The following MATK variants were observed in gnomAD, a reference collection of about 807,000 sequenced individuals.
MATK encodes megakaryocyte-associated tyrosine kinase.
MATK carries 41 observed loss-of-function variants against 59.8 expected under a neutral mutation model. The ratio of observed to expected loss-of-function variants is 0.69; its 90% CI spans 0.53 to 0.89. The LOEUF (loss-of-function observed/expected upper bound fraction) is 0.89. Ranked by LOEUF, MATK falls within the 40% of genes least tolerant of loss-of-function variation. MATK has a pLI of 0.00. For missense variants in MATK, 593 were observed against 719.6 expected, an observed-to-expected ratio of 0.82 and a Z score of 2.01; for synonymous variants, 308 against 306.1, an observed-to-expected ratio of 1.01 and a Z score of -0.06.
chr19:3,782,573 T>C (rs1476006100), intron 7 of MATK, among the ~76,000 whole-genome samples: 2 of 149,534 alleles, frequency 1.3e-5, no homozygotes, highest in Non-Finnish European at 3.0e-5. Context: ...TGGGAGGGGG[T>C]GGATGTGTGG....
rs747250950 is a variant in MATK at position 3,784,167 on chromosome 19, C to A, written c.319G>T (p.Glu107Ter). 1 of 1,613,322 alleles carries A rather than the reference C, an allele frequency of 6.2e-7. No homozygotes were observed. The highest frequency in any genetic ancestry group is 8.5e-7 in the Non-Finnish European group (1 of 1,179,712). The change falls in exon 5 of 14, where the codon GAG becomes TAG. Residue 107 changes from glutamate to a stop codon, truncating the protein, a stop_gained. Transcript: ENST00000310132. LOFTEE classifies it high-confidence loss of function. Reference sequence around the variant, plus strand: ...GGGTCTGCGGAGAGGGCCTCCCGCTCCCGCAGCGCCCCAGCTGCCAGCAGC... The same window carrying A: ...GGGTCTGCGGAGAGGGCCTCCCGCTACCGCAGCGCCCCAGCTGCCAGCAGC... Reference protein sequence around the residue: ...EGLLAAGALREREALSADPKL... With the variant: ...EGLLAAGALR
chr19:3,778,160 G>A lies in MATK; in HGVS notation c.*23C>T. On this transcript the variant is annotated 3_prime_UTR_variant, in exon 14 of 14. Coordinates refer to ENST00000310132, the MANE Select transcript of MATK (RefSeq NM_139355.3). ...CTCTCCACTCTCTCGGTCCTCTGGG[G>A]CCAAGGGCCCCACCGGGTGGGGTCA... 3 of 1,538,072 alleles carry A rather than the reference G, an allele frequency of 2.0e-6. No homozygotes were observed. The highest frequency in any genetic ancestry group is 2.6e-6 in the Non-Finnish European group (3 of 1,147,068).
upstream of MATK, among the ~76,000 whole-genome samples, chr19:3,788,105 ATATTATATT>A (rs2037506263): frequency 1.5e-5 from 2 of 130,338 alleles, no homozygotes. Context: ...TATTTATATT[ATATTATATT>A]ATATTATATT....
chr19:3,789,594 G>A (rs1343109169), upstream of MATK, among the ~76,000 whole-genome samples: 2 of 152,260 alleles, frequency 1.3e-5, no homozygotes, highest in East Asian at 3.9e-4. Context: ...CTGACTGGGT[G>A]GAGACATAGA....
chr19:3,789,643 C>T (rs1300456553), upstream of MATK, among the ~76,000 whole-genome samples: 1 of 151,752 alleles, frequency 6.6e-6, no homozygotes, highest in Non-Finnish European at 1.5e-5. Flanking sequence ...TAGATTTGAG[C>T]CTGCGGTTTA....
intron 3 of MATK, 29 bp downstream of exon 3, chr19:3,784,796 A>T: frequency 6.5e-7 from 1 of 1,534,130 alleles, no homozygotes; most frequent in Non-Finnish European, 8.8e-7. Context: ...GGACCCGGGG[A>T]GCAGAGGAAG....
intron 1 of MATK, among the ~76,000 whole-genome samples, chr19:3,800,091 G>A (rs567675075): frequency 2.4e-3 from 359 of 149,678 alleles, no homozygotes; most frequent in African/African-American, 8.6e-3. Flanking sequence ...GCAGTGAGCC[G>A]AGATTGTGCC....
chr19:3,786,419 T>TCCCCG, upstream of MATK: 1 of 955,000 alleles, frequency 1.0e-6, no homozygotes, highest in Non-Finnish European at 1.2e-6. The surrounding 1 kb of genome is among the most constrained non-coding windows in gnomAD (Gnocchi z 4.1). Context: ...CGCCGGCCCC[T>TCCCCG]CCCCGCCCCG....
At chr19:3,786,443 C>G (rs1169184508), upstream of MATK, 4 of 967,914 alleles carry the variant, frequency 4.1e-6, no homozygotes, top group East Asian at 4.7e-4. The surrounding 1 kb of genome is among the most constrained non-coding windows in gnomAD (Gnocchi z 4.1). Context: ...CCGCGGCCCC[C>G]GGCGCCTCCC....
At chr19:3,800,256 G>T (rs567023945) in intron 1 of MATK, among the ~76,000 whole-genome samples, 1 of 152,164 alleles carries the variant, frequency 6.6e-6, no homozygotes, top group Non-Finnish European at 1.5e-5. Flanking sequence ...AATCAATGTC[G>T]TTATAATACC....
In MATK at chr19:3,778,953, G is replaced by GA. The variant is rs751638171; in HGVS notation, c.1197+38dup. 2.0e-6 allele frequency: 3 copies of GA among 1,499,580 alleles called. No individual in the cohort carries two copies. The African/African-American group carries it at 4.2e-5, about 21-fold the overall frequency. The allele number at this position is 1,499,580 out of a possible 1,614,324, so 92.9% of individuals were successfully genotyped here. On this transcript the variant is annotated intron_variant, in intron 12 of 13. Transcript: ENST00000310132. ...CAGGGTCATACAGCAGAGCTGGGGG[G>GA]ACCCCAAAGCCCCAGGGGTATGTGA...
rs1423133040 is a variant in MATK at position 3,781,831 on chromosome 19, C to G, written c.677-159G>C. On this transcript the variant is annotated intron_variant, in intron 7 of 13. Transcript: ENST00000310132. ...GCCTGGCAATGCCCCTAGGACATAT[C>G]AGAGACACCCCACTCCTGGTACCAA... Among the ~76,000 whole-genome samples the G allele has an allele frequency of 2.0e-5, 3 of 152,264 alleles. No individual in the cohort carries two copies. In the East Asian group the frequency reaches 5.8e-4, roughly 29 times the overall value.
chr19:3,784,037 C>A lies in MATK; in HGVS notation c.363-4G>T, dbSNP rs368397867. 1 of 1,601,200 alleles carries A rather than the reference C, an allele frequency of 6.2e-7. No individual in the cohort carries two copies. Among genetic ancestry groups the A allele is most frequent in the Non-Finnish European group, 8.5e-7 (1 of 1,172,458 alleles). On this transcript the variant is annotated splice_polypyrimidine_tract_variant and splice_region_variant and intron_variant, in intron 5 of 13. Transcript: ENST00000310132. ...CGAGATCTTCCCGTGGAACCACCTG[C>A]GGCCACGGAAGGGGTGGGTCAGACT...
Position 3,779,523 on chromosome 19 carries a change from C to G in MATK, c.927+10G>C. 1 of 1,611,022 alleles carries G rather than the reference C, an allele frequency of 6.2e-7. No homozygotes were observed. The highest frequency in any genetic ancestry group is 8.5e-7 in the Non-Finnish European group (1 of 1,178,938). On this transcript the variant is annotated intron_variant, in intron 10 of 13. Coordinates refer to ENST00000310132, the MANE Select transcript of MATK (RefSeq NM_139355.3). ...GCGTGGGCCCCCTCCCCGCCTGGGCCCCGCCCCACCTTGCTCACGTGCTCC... is the reference window on the plus strand; with the variant it reads ...GCGTGGGCCCCCTCCCCGCCTGGGCGCCGCCCCACCTTGCTCACGTGCTCC...
intron 7 of MATK, among the ~76,000 whole-genome samples, chr19:3,782,313 T>C (rs1430763958): frequency 6.6e-6 from 1 of 152,176 alleles, no homozygotes; most frequent in Non-Finnish European, 1.5e-5. Context: ...CCCCTCCAAA[T>C]GCCACGGTCT....
At chr19:3,795,149 T>C (rs2037582083) in intron 1 of MATK, among the ~76,000 whole-genome samples, 1 of 151,788 alleles carries the variant, frequency 6.6e-6, no homozygotes. Context: ...GCCTAATTTT[T>C]TGCATTTTTA....
At chr19:3,784,726 AG>A in intron 3 of MATK, 98 bp downstream of exon 3, 1 of 799,998 alleles carries the variant, frequency 1.3e-6, no homozygotes, top group Non-Finnish European at 2.1e-6. Context: ...AGAAGGGGGT[AG>A]GGGGCAGAGA....
chr19:3,791,229 C>T (rs12981539), upstream of MATK, among the ~76,000 whole-genome samples: 48,148 of 151,826 alleles, frequency 0.32, 7,926 homozygotes, highest in Admixed American at 0.41. Flanking sequence ...AGGGATGCCT[C>T]GAGCTTCTCT....
chr19:3,779,207 G>A lies in MATK; in HGVS notation c.1002-20C>T. 1 of 1,565,650 alleles carries A rather than the reference G, an allele frequency of 6.4e-7. No individual in the cohort carries two copies. On this transcript the variant is annotated intron_variant, in intron 11 of 13. Transcript: ENST00000310132. ...ACGTGCCTGGGGGTAGTAGGGGGCA[G>A]TGGGGGCTCAGGTGCCAGGATGCCC...
Sources: gnomAD v4.1 joint callset for allele counts (sites outside exome capture counted in the v4.1 genomes callset) on GRCh38, gnomAD v4.1.1 for gene constraint, Gnocchi (gnomAD v3.1) non-coding constraint, MANE v1.5 for transcripts, NCBI Gene and HGNC (gene_info 2026-07-23, HGNC 2026-07-21) for gene names.